The following PIEZO2 variants were observed in gnomAD, a reference collection of about 807,000 sequenced individuals.
PIEZO2 encodes piezo-type mechanosensitive ion channel component 2.
In PIEZO2, 172 loss-of-function variants were observed where a neutral mutation model predicts 337.3. The observed-to-expected ratio is 0.51, with a 90% confidence interval of 0.45 to 0.58. PIEZO2 has a LOEUF of 0.58. PIEZO2 is among the 20% of genes least tolerant of loss of function. The pLI, the probability that PIEZO2 is intolerant of heterozygous loss-of-function variation, is 0.00. For synonymous variants in PIEZO2, 1,251 were observed against 1,228.5 expected (o/e 1.02, Z -0.38); for missense variants, 3,028 against 3,391.3 (o/e 0.89, Z 2.66).
intron 22 of PIEZO2, 80 bp downstream of exon 22, chr18:10,762,842 T>A: frequency 6.9e-7 from 1 of 1,459,624 alleles, no homozygotes; most frequent in Non-Finnish European, 9.1e-7. Context: ...CCAAATGTGC[T>A]TGGGGATGGG....
intron 3 of PIEZO2, among the ~76,000 whole-genome samples, chr18:10,919,256 A>G (rs563476797): frequency 6.6e-6 from 1 of 152,266 alleles, no homozygotes; most frequent in Admixed American, 6.5e-5. Context: ...AATCCCAAAT[A>G]TGGCATATCT....
rs957060702 is a variant in PIEZO2 at position 10,773,365 on chromosome 18, C to G, written c.2785+47G>C. The G allele has an allele frequency of 3.0e-5, 46 of 1,508,626 alleles. No homozygotes were observed. Among genetic ancestry groups the G allele is most frequent in the Non-Finnish European group, 3.6e-6 (4 of 1,121,208 alleles). 93.5% of individuals were successfully genotyped at this position (1,508,626 alleles called of 1,614,324 possible). A position where few individuals can be genotyped will look rare whatever the true frequency, so the allele number is the denominator to read the frequency against. On this transcript the variant is annotated intron_variant, in intron 20 of 55. Coordinates refer to ENST00000674853, the MANE Select transcript of PIEZO2 (RefSeq NM_001378183.1). The surrounding 1 kb of genome is among the most constrained non-coding windows in gnomAD (Gnocchi z 5.3). Reference sequence around the variant, plus strand: ...CAAGTCAATGTTTCCTTCACTCAGTCTGACAGCCAGCGTTCTCTGACCAGC... The same window carrying G: ...CAAGTCAATGTTTCCTTCACTCAGTGTGACAGCCAGCGTTCTCTGACCAGC...
In PIEZO2 at chr18:11,101,039, T is replaced by C. The variant is rs566560576; in HGVS notation, c.65-34817A>G. 6.6e-5 allele frequency among the ~76,000 whole-genome samples: 10 copies of C among 152,322 alleles called. No homozygotes were observed. In the East Asian group the frequency reaches 1.9e-3, roughly 29 times the overall value. ...GGTGGGATGGCTTTCCCACTGGAGA[T>C]GCAGCTTCAGAGAGTTTAATGGGCA... is the stretch of plus-strand genomic sequence containing the variant. On this transcript the variant is annotated intron_variant, in intron 1 of 55. Transcript: ENST00000674853. The surrounding 1 kb of genome is among the most constrained non-coding windows in gnomAD (Gnocchi z 4.4).
chr18:10,839,777 A>AT (rs35379345), intron 7 of PIEZO2, among the ~76,000 whole-genome samples: 1,623 of 151,776 alleles, frequency 0.011, 33 homozygotes, highest in African/African-American at 0.035. Context: ...AAGGAGTATC[A>AT]TTTTTTTTTA....
intron 1 of PIEZO2, among the ~76,000 whole-genome samples, chr18:11,117,357 A>C (rs1037271899): frequency 6.6e-6 from 1 of 152,236 alleles, no homozygotes; most frequent in Non-Finnish European, 1.5e-5. Context: ...GTAAATAACC[A>C]GCACCAGGGA....
Position 10,988,648 on chromosome 18 carries a change from T to C in PIEZO2, c.161-8988A>G, listed in dbSNP as rs576812461. Among the ~76,000 whole-genome samples, 4 of 152,292 alleles carry C rather than the reference T, an allele frequency of 2.6e-5. No homozygotes were observed. The South Asian group carries it at 6.2e-4, about 24-fold the overall frequency. On this transcript the variant is annotated intron_variant, in intron 2 of 55. Coordinates refer to ENST00000674853, the MANE Select transcript of PIEZO2 (RefSeq NM_001378183.1). This position sits in a 1 kb window ranked among gnomAD's most constrained non-coding sequence, Gnocchi z 4.8. ...TGCACACCCATGTTTACTACAGCAT[T>C]ATGCAAAACAACCAAGATATGGAAA...
rs1416199603 is a variant in PIEZO2, at chr18:11,101,867, C to A, written c.65-35645G>T. 2.6e-5 allele frequency among the ~76,000 whole-genome samples: 4 copies of A among 152,158 alleles called. No individual in the cohort carries two copies. The highest frequency in any genetic ancestry group is 9.7e-5 in the African/African-American group (4 of 41,412). On this transcript the variant is annotated intron_variant, in intron 1 of 55. Transcript: ENST00000674853. The surrounding 1 kb of genome is among the most constrained non-coding windows in gnomAD (Gnocchi z 4.4). ...CAAGCTCTTGTACTCTTGTACTATA[C>A]TACTTATAAGCTATCAAATTTGAAA...
At chr18:10,760,307 A>G (rs2038071975) in intron 24 of PIEZO2, among the ~76,000 whole-genome samples, 1 of 152,132 alleles carries the variant, frequency 6.6e-6, no homozygotes, top group Admixed American at 6.5e-5. Flanking sequence ...TTAATACTTT[A>G]TTATTTATTT....
In PIEZO2 at chr18:11,054,192, C is replaced by T. The variant is rs149749449; in HGVS notation, c.160+11935G>A. 2.5e-3 allele frequency among the ~76,000 whole-genome samples: 385 copies of T among 152,320 alleles called. 1 individual carries two copies. The highest frequency in any genetic ancestry group is 3.7e-3 in the Non-Finnish European group (253 of 68,032). On this transcript the variant is annotated intron_variant, in intron 2 of 55. Transcript: ENST00000674853. Reference sequence around the variant, plus strand: ...AAGAAAATGTTCATCTCCTTCCCTACAGTATTACATACTTAAATAAAATGC... The same window carrying T: ...AAGAAAATGTTCATCTCCTTCCCTATAGTATTACATACTTAAATAAAATGC...
chr18:10,822,801 T>A (rs1045621803), intron 7 of PIEZO2, among the ~76,000 whole-genome samples: 1 of 152,186 alleles, frequency 6.6e-6, no homozygotes. Flanking sequence ...AAAGGGAGTA[T>A]GAACCAAAAG....
intron 38 of PIEZO2, among the ~76,000 whole-genome samples, chr18:10,715,440 C>T (rs552997004): frequency 1.3e-5 from 2 of 152,004 alleles, no homozygotes; most frequent in Admixed American, 6.6e-5. Flanking sequence ...CATTCTGTGA[C>T]GTGTGTGTGT....
At chr18:11,063,528 A>G (rs2038045445) in intron 2 of PIEZO2, among the ~76,000 whole-genome samples, 1 of 152,210 alleles carries the variant, frequency 6.6e-6, no homozygotes, top group East Asian at 1.9e-4. Flanking sequence ...ACCTCTATGG[A>G]TATACACATT....
chr18:10,684,074 C>A (rs1483972646), intron 49 of PIEZO2, among the ~76,000 whole-genome samples: 3 of 124,940 alleles, frequency 2.4e-5, no homozygotes, highest in African/African-American at 8.8e-5. Flanking sequence ...TCCTTCCTTC[C>A]TTTTTCCTTC....
At position 11,131,789 on chromosome 18, in the gene PIEZO2, T is replaced by A. The variant is rs1186592898; in HGVS notation, c.64+16736A>T. Among the ~76,000 whole-genome samples, 2 of 152,194 alleles carry A rather than the reference T, an allele frequency of 1.3e-5. No homozygotes were observed. The highest frequency in any genetic ancestry group is 2.9e-5 in the Non-Finnish European group (2 of 68,022). ...AAACTGTGAAGATATTTGTATCCCA[T>A]GTGAGTGCTCACCAATGGGTGACCT... On this transcript the variant is annotated intron_variant, in intron 1 of 55. Coordinates refer to ENST00000674853, the MANE Select transcript of PIEZO2 (RefSeq NM_001378183.1). This position sits in a 1 kb window ranked among gnomAD's most constrained non-coding sequence, Gnocchi z 5.3.
At position 11,149,148 on chromosome 18, in the gene PIEZO2, G is replaced by A. The variant is rs1244653405; in HGVS notation, c.-560C>T. Among the ~76,000 whole-genome samples, 1 of 152,100 alleles carries A rather than the reference G, an allele frequency of 6.6e-6. No homozygotes were observed. Among genetic ancestry groups the A allele is most frequent in the Non-Finnish European group, 1.5e-5 (1 of 68,016 alleles). ...GGCCTCGGCCCCGGCTCTCGGAGCT[G>A]CCCGGCGGGCTCCGGGTCTCGCCCT... On this transcript the variant is annotated 5_prime_UTR_variant, in exon 1 of 56. Coordinates refer to ENST00000674853, the MANE Select transcript of PIEZO2 (RefSeq NM_001378183.1). The surrounding 1 kb of genome is among the most constrained non-coding windows in gnomAD (Gnocchi z 8.7).
In PIEZO2 at chr18:11,070,782, A is replaced by G. The variant is rs950676012; in HGVS notation, c.65-4560T>C. Reference sequence around the variant, plus strand: ...GAAGGGGAGGCCCGGGAGACTGAGCAGAGGACGCCAGGGAACAGACTGGGC... The same window carrying G: ...GAAGGGGAGGCCCGGGAGACTGAGCGGAGGACGCCAGGGAACAGACTGGGC... On this transcript the variant is annotated intron_variant, in intron 1 of 55. Transcript: ENST00000674853. The surrounding 1 kb of genome is among the most constrained non-coding windows in gnomAD (Gnocchi z 4.3). Among the ~76,000 whole-genome samples, 1 of 152,230 alleles carries G rather than the reference A, an allele frequency of 6.6e-6. No individual in the cohort carries two copies. Among genetic ancestry groups the G allele is most frequent in the Non-Finnish European group, 1.5e-5 (1 of 68,038 alleles).
Position 10,731,180 on chromosome 18 carries a change from T to G in PIEZO2, c.5029+227A>C, listed in dbSNP as rs867915641. ...TCCTTTTTTCCTACTTAAAAGATTATATATATATATATATATATATATATA... is the reference window on the plus strand; with the variant it reads ...TCCTTTTTTCCTACTTAAAAGATTAGATATATATATATATATATATATATA... On this transcript the variant is annotated intron_variant, in intron 36 of 55. Transcript: ENST00000674853. Among the ~76,000 whole-genome samples, 45 of 11,666 alleles carry G rather than the reference T, an allele frequency of 3.9e-3. 1 individual carries two copies. The highest frequency in any genetic ancestry group is 0.02 in the African/African-American group (40 of 2,050). The allele number at this position is 11,666 out of a possible 152,430, so 7.7% of individuals were successfully genotyped here.
chr18:10,880,094 G>T (rs958658769), intron 4 of PIEZO2, among the ~76,000 whole-genome samples: 14 of 152,178 alleles, frequency 9.2e-5, no homozygotes, highest in African/African-American at 3.1e-4. Flanking sequence ...AGATACAAAA[G>T]TGTATCTTTA....
At chr18:11,045,121 C>T (rs941070437) in intron 2 of PIEZO2, among the ~76,000 whole-genome samples, 10 of 151,672 alleles carry the variant, frequency 6.6e-5, no homozygotes, top group Non-Finnish European at 1.5e-4. Flanking sequence ...CAGTGAAACC[C>T]CGTCTCTACT....
Sources: gnomAD v4.1 joint callset for allele counts (sites outside exome capture counted in the v4.1 genomes callset) on GRCh38, gnomAD v4.1.1 for gene constraint, Gnocchi (gnomAD v3.1) non-coding constraint, MANE v1.5 for transcripts, NCBI Gene and HGNC (gene_info 2026-07-23, HGNC 2026-07-21) for gene names.